Variants in BCL11A observed in about 807,000 individuals in gnomAD.
The protein encoded by BCL11A is B cell CLL/lymphoma 11A.
Under a neutral mutation model 55.9 loss-of-function variants are expected in BCL11A, and 2 were observed. The observed-to-expected ratio is 0.04, with a 90% CI of 0.01 to 0.11. The LOEUF (loss-of-function observed/expected upper bound fraction) is 0.11. Ranked by LOEUF, BCL11A falls within the 10% of genes least tolerant of loss-of-function variation. The pLI is 1.00. For missense variants in BCL11A, 817 were observed against 1,137.1 expected (o/e 0.72, Z 4.05); for synonymous variants, 465 against 473.4 (o/e 0.98, Z 0.23).
At chr2:60,503,168 G>A (rs1280865610) in intron 2 of BCL11A, among the ~76,000 whole-genome samples, 1 of 152,148 alleles carries the variant, frequency 6.6e-6, no homozygotes, top group Non-Finnish European at 1.5e-5. Context: ...CTCTAAACCT[G>A]GTCACTCCTA....
chr2:60,519,859 T>C (rs1319521353), intron 2 of BCL11A, among the ~76,000 whole-genome samples: 2 of 152,232 alleles, frequency 1.3e-5, no homozygotes, highest in South Asian at 2.1e-4. Flanking sequence ...ATCGTTTTCA[T>C]AGGCATTGTC....
Position 60,538,737 on chromosome 2 carries a change from CTCTGTGTGTGTGTGTGTG to C in BCL11A, c.385+7216_385+7233del, listed in dbSNP as rs1275627964. ...ACTGAATGTCTCTCTCTCTCTCTCT[CTCTGTGTGTGTGTGTGTG>C]TGTGTGTGTGTGTGTGTGTGTGTGT... On this transcript the variant is annotated intron_variant, in intron 2 of 3. Coordinates refer to ENST00000642384, the MANE Select transcript of BCL11A (RefSeq NM_022893.4). 8.4e-5 allele frequency among the ~76,000 whole-genome samples: 10 copies of C among 118,670 alleles called. 1 individual carries two copies. The South Asian group carries it at 1.9e-3, about 22-fold the overall frequency. The allele number at this position is 118,670 out of a possible 152,430, so 77.9% of individuals were successfully genotyped here.
chr2:60,461,543 C>T lies in BCL11A; in HGVS notation c.1369G>A (p.Gly457Ser), dbSNP rs556394676. 1.9e-6 allele frequency: 3 copies of T among 1,610,240 alleles called. No homozygotes were observed. Among genetic ancestry groups the T allele is most frequent in the South Asian group, 2.2e-5 (2 of 91,084 alleles). Residue 457 changes from glycine to serine, a missense_variant, in exon 4 of 4, where the codon GGC (glycine) becomes AGC (serine). Around this residue, in one of 4 missense-constraint regions of BCL11A, gnomAD observed 379 missense variants for 425.3 expected, o/e 0.89. Coordinates refer to ENST00000642384, the MANE Select transcript of BCL11A (RefSeq NM_022893.4). ...GACTTGAGCGCGCTGCTGGCGCTGC[C>T]CACCAAGTCGCTGGTGCCGGGTTCC... is the stretch of plus-strand genomic sequence containing the variant. Reference protein sequence around the residue: ...SPEPGTSDLVGSASSALKSVV... With the variant: ...SPEPGTSDLVSSASSALKSVV...
chr2:60,537,463 G>T (rs928108488), intron 2 of BCL11A: 2 of 152,194 alleles, frequency 1.3e-5, no homozygotes, highest in Non-Finnish European at 2.9e-5. Flanking sequence ...TAAAATCATG[G>T]TATACCTTGA....
chr2:60,482,558 A>G (rs1678022009), intron 2 of BCL11A, among the ~76,000 whole-genome samples: 1 of 152,234 alleles, frequency 6.6e-6, no homozygotes, highest in South Asian at 2.1e-4. Context: ...AGATTTGCAG[A>G]TGAATGAGAT....
At chr2:60,520,440 G>A (rs1309614390) in intron 2 of BCL11A, among the ~76,000 whole-genome samples, 1 of 152,074 alleles carries the variant, frequency 6.6e-6, no homozygotes, top group African/African-American at 2.4e-5. Context: ...CTGAAATCAA[G>A]TGCCACCAAA....
chr2:60,545,416 G>A (rs1488610279), intron 2 of BCL11A: 1 of 155,532 alleles, frequency 6.4e-6, no homozygotes, highest in Non-Finnish European at 1.4e-5. Context: ...CGGGCTGACA[G>A]CCAATATGGA....
At chr2:60,497,081 C>A (rs147247403) in intron 2 of BCL11A, among the ~76,000 whole-genome samples, 37 of 152,176 alleles carry the variant, frequency 2.4e-4, no homozygotes, top group Non-Finnish European at 1.0e-4. Context: ...GGGAGTACAC[C>A]GCAGACACCT....
chr2:60,481,143 A>G (rs1279071407), intron 2 of BCL11A, among the ~76,000 whole-genome samples: 1 of 152,000 alleles, frequency 6.6e-6, no homozygotes, highest in Non-Finnish European at 1.5e-5. Flanking sequence ...GGGAAGAAAG[A>G]AGGCAAAGCC....
chr2:60,508,694 G>C (rs1679789159), intron 2 of BCL11A: 1 of 152,298 alleles, frequency 6.6e-6, no homozygotes, highest in South Asian at 2.1e-4. Context: ...CCAGGAAGAA[G>C]CTGGCGCTCA....
intron 3 of BCL11A, among the ~76,000 whole-genome samples, chr2:60,467,285 G>A (rs1210239483): frequency 2.2e-5 from 2 of 92,030 alleles, no homozygotes; most frequent in African/African-American, 4.9e-5. Context: ...GGTGGTGGTA[G>A]TGATGGTGGT....
chr2:60,456,860 A>G (rs1339526298), downstream of BCL11A, among the ~76,000 whole-genome samples: 1 of 152,224 alleles, frequency 6.6e-6, no homozygotes, highest in Non-Finnish European at 1.5e-5. Flanking sequence ...AAAGGAAATA[A>G]AAGTTTAAGA....
intron 2 of BCL11A, among the ~76,000 whole-genome samples, chr2:60,503,618 G>A (rs985931432): frequency 6.6e-6 from 1 of 152,146 alleles, no homozygotes; most frequent in Non-Finnish European, 1.5e-5. Flanking sequence ...AAGCCTTGGT[G>A]GTTTCCACAC....
chr2:60,478,953 C>T (rs780487220), intron 2 of BCL11A, among the ~76,000 whole-genome samples: 9 of 149,070 alleles, frequency 6.0e-5, no homozygotes, highest in Non-Finnish European at 1.0e-4. Context: ...TTGGCTTTGA[C>T]GTGCTTTGTT....
At chr2:60,548,374 AG>A (rs1400567697) in intron 1 of BCL11A, among the ~76,000 whole-genome samples, 1 of 151,736 alleles carries the variant, frequency 6.6e-6, no homozygotes, top group African/African-American at 2.4e-5. Context: ...CATTTCTAAA[AG>A]TGGGAATATT....
intron 2 of BCL11A, among the ~76,000 whole-genome samples, chr2:60,529,020 G>A (rs1669331360): frequency 6.6e-6 from 1 of 152,088 alleles, no homozygotes; most frequent in Non-Finnish European, 1.5e-5. Context: ...ACACACCCAG[G>A]CAGGCACAAG....
At chr2:60,504,741 T>C (rs994480231) in intron 2 of BCL11A, among the ~76,000 whole-genome samples, 2 of 152,174 alleles carry the variant, frequency 1.3e-5, no homozygotes, top group Non-Finnish European at 2.9e-5. Flanking sequence ...TTAGGGACAA[T>C]GCCAATCAAG....
intron 2 of BCL11A, among the ~76,000 whole-genome samples, chr2:60,485,940 C>T (rs1029860578): frequency 3.3e-5 from 5 of 152,202 alleles, no homozygotes; most frequent in Non-Finnish European, 7.3e-5. Context: ...AATGAGATTG[C>T]ACATTTTAGT....
Position 60,461,198 on chromosome 2 carries a change from G to A in BCL11A, c.1714C>T (p.Arg572Cys), listed in dbSNP as rs768167495. 4 of 1,612,276 alleles carry A rather than the reference G, an allele frequency of 2.5e-6. No homozygotes were observed. The highest frequency in any genetic ancestry group is 1.1e-5 in the South Asian group (1 of 91,076). ...FHQVLGEKHKRGHLAEAEGHR... is the reference protein window; with the variant it reads ...FHQVLGEKHKCGHLAEAEGHR... ...CCCTCGGCCTCGGCCAGGTGGCCGC[G>A]CTTATGCTTCTCGCCCAGGACCTGG... is the stretch of plus-strand genomic sequence containing the variant. The change falls in exon 4 of 4, where the codon CGC becomes TGC. Residue 572 changes from arginine (R) to cysteine (C), a missense_variant. By Grantham distance (180) the Arg-to-Cys change is radical. Coordinates refer to ENST00000642384, the MANE Select transcript of BCL11A (RefSeq NM_022893.4).
Sources: gnomAD v4.1 joint callset for allele counts (sites outside exome capture counted in the v4.1 genomes callset) on GRCh38, gnomAD v4.1.1 for gene constraint, gnomAD v4.1.1 regional missense constraint, MANE v1.5 for transcripts, NCBI Gene and HGNC (gene_info 2026-07-23, HGNC 2026-07-21) for gene names.